Variants in MAP1B observed in about 807,000 individuals in gnomAD.
MAP1B encodes microtubule-associated protein 1B.
MAP1B carries 12 observed loss-of-function variants against 176.1 expected under a neutral mutation model. The observed-to-expected ratio is 0.07, with a 90% CI of 0.04 to 0.11. The LOEUF (loss-of-function observed/expected upper bound fraction) is 0.11. MAP1B is among the 10% of genes least tolerant of loss of function. MAP1B has a pLI of 1.00. For missense variants in MAP1B, 2,523 were observed against 2,990.5 expected (o/e 0.84, Z 3.65); for synonymous variants, 1,044 against 1,135.0 (o/e 0.92, Z 1.61).
At chr5:72,163,242 A>G (rs1366019200) in intron 2 of MAP1B, among the ~76,000 whole-genome samples, 2 of 151,614 alleles carry the variant, frequency 1.3e-5, no homozygotes, top group Non-Finnish European at 2.9e-5. Context: ...AAAAAAAAAA[A>G]AAAAAAGAAA....
At position 72,150,658 on chromosome 5, in the gene MAP1B, C is replaced by T. The variant is rs1746123857; in HGVS notation, c.287-33085C>T. 2.0e-5 allele frequency among the ~76,000 whole-genome samples: 3 copies of T among 152,192 alleles called. No homozygotes were observed. In the South Asian group the frequency reaches 6.2e-4, roughly 32 times the overall value. Reference sequence around the variant, plus strand: ...CTGATCCTCTGCCTCCTCCCACCCTCCACCCTCCGATAGGCCCCAGTGCGT... The same window carrying T: ...CTGATCCTCTGCCTCCTCCCACCCTTCACCCTCCGATAGGCCCCAGTGCGT... On this transcript the variant is annotated intron_variant, in intron 2 of 6. Transcript: ENST00000296755.
Position 72,198,014 on chromosome 5 carries a change from C to T in MAP1B, c.4659C>T (p.Ser1553=). 2 of 1,614,178 alleles carry T rather than the reference C, an allele frequency of 1.2e-6. No individual in the cohort carries two copies. Among genetic ancestry groups the T allele is most frequent in the Non-Finnish European group, 1.7e-6 (2 of 1,180,028 alleles). The change falls in exon 5 of 7, where the codon TCC becomes TCT. Residue 1553 remains serine, a synonymous_variant. Transcript: ENST00000296755. ...ATATGGAGGGTGTGGCCTCAGTGTC[C>T]ACAGCCTCAGTGGCTACGAGCTCAT... ...YSHMEGVASV[S]TASVATSSFP... is the part of the protein sequence containing the mutation.
At chr5:72,124,876 C>T (rs769105805) in intron 2 of MAP1B, among the ~76,000 whole-genome samples, 1 of 152,200 alleles carries the variant, frequency 6.6e-6, no homozygotes, top group Non-Finnish European at 1.5e-5. Flanking sequence ...AGGAACACTG[C>T]TCTACATAGA....
At chr5:72,174,009 G>C (rs186215118) in intron 2 of MAP1B, among the ~76,000 whole-genome samples, 127 of 152,266 alleles carry the variant, frequency 8.3e-4, no homozygotes, top group African/African-American at 2.9e-3. Flanking sequence ...CTGTGCCTGT[G>C]GTCCCAGCTA....
chr5:72,159,906 C>T (rs190267677), intron 2 of MAP1B, among the ~76,000 whole-genome samples: 4 of 152,160 alleles, frequency 2.6e-5, no homozygotes, highest in Admixed American at 6.5e-5. Context: ...CGAAATAATA[C>T]GTTCACCTGG....
chr5:72,123,712 C>T lies in MAP1B; in HGVS notation c.286+7913C>T, dbSNP rs1294185680. 1.5e-4 allele frequency among the ~76,000 whole-genome samples: 23 copies of T among 152,142 alleles called. 1 individual carries two copies. Among genetic ancestry groups the T allele is most frequent in the Admixed American group, 1.5e-3 (23 of 15,274 alleles). On this transcript the variant is annotated intron_variant, in intron 2 of 6. Transcript: ENST00000296755. Reference sequence around the variant, plus strand: ...TGTTAGCCAGGATGGTCTCGATCTCCTGACCTCGTGATCTGCCCGCCTCGG... The same window carrying T: ...TGTTAGCCAGGATGGTCTCGATCTCTTGACCTCGTGATCTGCCCGCCTCGG...
Position 72,194,282 on chromosome 5 carries a change from C to T in MAP1B, c.927C>T (p.Leu309=). 6.2e-7 allele frequency: 1 copy of T among 1,614,240 alleles called. No individual in the cohort carries two copies. The highest frequency in any genetic ancestry group is 8.5e-7 in the Non-Finnish European group (1 of 1,180,042). ...TAGACCGAGTGGACTCCATCCTGCTCACCCACATTGGGGATGACAATTTGC... is the reference window on the plus strand; with the variant it reads ...TAGACCGAGTGGACTCCATCCTGCTTACCCACATTGGGGATGACAATTTGC... ...RHLDRVDSIL[L]THIGDDNLPG... Residue 309 remains leucine, a synonymous_variant, in exon 5 of 7, where the codon CTC becomes CTT. Coordinates refer to ENST00000296755, the MANE Select transcript of MAP1B (RefSeq NM_005909.5). The surrounding 1 kb of genome is among the most constrained non-coding windows in gnomAD (Gnocchi z 7.2).
intron 2 of MAP1B, among the ~76,000 whole-genome samples, chr5:72,127,470 T>C (rs948300231): frequency 1.3e-5 from 2 of 152,158 alleles, no homozygotes; most frequent in African/African-American, 4.8e-5. Flanking sequence ...CCTAATTTGA[T>C]CATATTTGCA....
chr5:72,119,205 G>C (rs1320352723), intron 2 of MAP1B, among the ~76,000 whole-genome samples: 2 of 152,116 alleles, frequency 1.3e-5, no homozygotes, highest in Non-Finnish European at 2.9e-5. Flanking sequence ...GTCCAACTCT[G>C]GCATACTGTA....
At chr5:72,142,102 T>C (rs558859288) in intron 2 of MAP1B, among the ~76,000 whole-genome samples, 1 of 152,212 alleles carries the variant, frequency 6.6e-6, no homozygotes, top group African/African-American at 2.4e-5. Flanking sequence ...AAAAGAGACC[T>C]GTGGAACCCC....
chr5:72,172,649 T>C (rs986540767), intron 2 of MAP1B, among the ~76,000 whole-genome samples: 1 of 152,202 alleles, frequency 6.6e-6, no homozygotes, highest in Non-Finnish European at 1.5e-5. Context: ...CAAGAATCAA[T>C]ATTTACTGGG....
At chr5:72,203,537 G>C in intron 5 of MAP1B, 26 bp from the exon 6 acceptor site, 2 of 1,552,286 alleles carry the variant, frequency 1.3e-6, no homozygotes, top group Non-Finnish European at 1.8e-6. Context: ...CTATGACCTT[G>C]CTTTGTCTTT....
At chr5:72,192,817 A>G (rs1219161688) in intron 4 of MAP1B, among the ~76,000 whole-genome samples, 2 of 152,250 alleles carry the variant, frequency 1.3e-5, no homozygotes, top group African/African-American at 2.4e-5. Context: ...CTAATTTGCT[A>G]GGCTAAGACC....
At chr5:72,141,198 C>T (rs1745942333) in intron 2 of MAP1B, among the ~76,000 whole-genome samples, 1 of 152,206 alleles carries the variant, frequency 6.6e-6, no homozygotes, top group African/African-American at 2.4e-5. Context: ...CAGCTTCTTT[C>T]TTTCTTTCCT....
At chr5:72,127,834 A>T (rs1403559276) in intron 2 of MAP1B, among the ~76,000 whole-genome samples, 1 of 152,210 alleles carries the variant, frequency 6.6e-6, no homozygotes, top group Non-Finnish European at 1.5e-5. Flanking sequence ...CCAATAATAC[A>T]GTCATTTCTT....
rs1237929952 is a variant in MAP1B at position 72,151,017 on chromosome 5, C to A, written c.287-32726C>A. ...CATTTTGTGTTGCTATAAAGGAATACCTGAGGCTGGATTGTTTATGTAAAA... is the reference window on the plus strand; with the variant it reads ...CATTTTGTGTTGCTATAAAGGAATAACTGAGGCTGGATTGTTTATGTAAAA... On this transcript the variant is annotated intron_variant, in intron 2 of 6. Transcript: ENST00000296755. Among the ~76,000 whole-genome samples the A allele has an allele frequency of 4.1e-5, 6 of 148,128 alleles. No individual in the cohort carries two copies. The East Asian group carries it at 1.2e-3, about 29-fold the overall frequency.
chr5:72,135,570 C>A (rs1745824067), intron 2 of MAP1B, among the ~76,000 whole-genome samples: 1 of 152,064 alleles, frequency 6.6e-6, no homozygotes, highest in Admixed American at 6.6e-5. Flanking sequence ...TTGAATTTTC[C>A]CAAAGCACTG....
At position 72,186,762 on chromosome 5, in the gene MAP1B, C is replaced by G. The variant is rs536209057; in HGVS notation, c.510+8C>G. 6.2e-6 allele frequency: 10 copies of G among 1,613,678 alleles called. No individual in the cohort carries two copies. The highest frequency in any genetic ancestry group is 8.5e-6 in the Non-Finnish European group (10 of 1,180,022). ...ATTTTCACCGATCAAGAGGTAGGTT[C>G]GTGTCTGAGAATATCTGTGCTTCTA... On this transcript the variant is annotated splice_region_variant and intron_variant, in intron 4 of 6. Transcript: ENST00000296755. The surrounding 1 kb of genome is among the most constrained non-coding windows in gnomAD (Gnocchi z 4.3).
intron 2 of MAP1B, among the ~76,000 whole-genome samples, chr5:72,132,983 C>T (rs1745762438): frequency 6.6e-6 from 1 of 152,082 alleles, no homozygotes; most frequent in Non-Finnish European, 1.5e-5. Flanking sequence ...AGCAAGGCTG[C>T]CCACTTGGGA....
Sources: allele counts gnomAD v4.1 joint callset (sites outside exome capture counted in the v4.1 genomes callset), GRCh38; gene constraint gnomAD v4.1.1; non-coding constraint Gnocchi (gnomAD v3.1); transcripts MANE v1.5; gene names NCBI Gene and HGNC (gene_info 2026-07-23, HGNC 2026-07-21).